The following WWOX variants were observed in gnomAD, a reference collection of about 807,000 sequenced individuals.
The protein encoded by WWOX is WW domain containing oxidoreductase, also known as WW domain-containing oxidoreductase.
In WWOX, 69 loss-of-function variants were observed where a neutral mutation model predicts 46.2. That is an observed-to-expected ratio of 1.49 (90% CI 1.23 to 1.82). WWOX has a LOEUF of 1.82. WWOX is among the 40% of genes most tolerant of loss of function. The probability of loss-of-function intolerance (pLI) is 0.00; values close to 1 mark genes in which losing one functional copy is unlikely to be tolerated. For synonymous variants in WWOX, 359 were observed against 202.6 expected (o/e 1.77, Z -6.56); for missense variants, 919 against 542.6 (o/e 1.69, Z -6.89).
chr16:78,200,852 C>A (rs559481443), intron 5 of WWOX, among the ~76,000 whole-genome samples: 7 of 152,210 alleles, frequency 4.6e-5, no homozygotes, highest in African/African-American at 1.7e-4. Flanking sequence ...GGCATCACTC[C>A]CAAATTCTAT....
chr16:78,212,789 A>G (rs1268319581), intron 5 of WWOX, among the ~76,000 whole-genome samples: 1 of 152,188 alleles, frequency 6.6e-6, no homozygotes, highest in African/African-American at 2.4e-5. Context: ...CTTGAGAAAG[A>G]CATGGAACAC....
chr16:78,102,616 C>G (rs1405631156), intron 1 of WWOX, among the ~76,000 whole-genome samples: 2 of 152,194 alleles, frequency 1.3e-5, no homozygotes, highest in Non-Finnish European at 2.9e-5. Context: ...CAGAGCTGAG[C>G]TTACATGTCA....
intron 1 of WWOX, among the ~76,000 whole-genome samples, chr16:78,103,850 G>T (rs1414382117): frequency 6.6e-6 from 1 of 151,936 alleles, no homozygotes; most frequent in African/African-American, 2.4e-5. Flanking sequence ...CCGGTCTTGT[G>T]TGGGTGCTGT....
At chr16:78,889,999 T>G (rs540725063) in intron 8 of WWOX, among the ~76,000 whole-genome samples, 3 of 152,290 alleles carry the variant, frequency 2.0e-5, no homozygotes, top group South Asian at 4.1e-4. Context: ...TTTTTCTCTT[T>G]CTCCTAAATG....
chr16:78,271,785 G>T (rs147227860), intron 5 of WWOX, among the ~76,000 whole-genome samples: 1 of 152,188 alleles, frequency 6.6e-6, no homozygotes, highest in Admixed American at 6.5e-5. Context: ...TTGTAGCATC[G>T]TCCAGCCTTC....
chr16:78,961,466 T>C (rs1394230024), intron 8 of WWOX, among the ~76,000 whole-genome samples: 1 of 151,696 alleles, frequency 6.6e-6, no homozygotes, highest in Non-Finnish European at 1.5e-5. Context: ...GGTGGATGGA[T>C]GGATGGATGG....
At chr16:78,465,377 G>A (rs79967998) in intron 8 of WWOX, among the ~76,000 whole-genome samples, 1 of 152,176 alleles carries the variant, frequency 6.6e-6, no homozygotes. Flanking sequence ...ATGGGGTCTT[G>A]TTGTGTTGCC....
intron 8 of WWOX, among the ~76,000 whole-genome samples, chr16:78,563,272 TG>T: frequency 6.6e-6 from 1 of 152,226 alleles, no homozygotes; most frequent in East Asian, 1.9e-4. Context: ...TTCCTGTGTA[TG>T]GGGTAAGTGT....
chr16:78,109,883 G>T, intron 3 of WWOX, 48 bp downstream of exon 3: 1 of 1,593,390 alleles, frequency 6.3e-7, no homozygotes, highest in Non-Finnish European at 8.6e-7. Flanking sequence ...CTTTTTAATA[G>T]GAATTTTTAA....
At chr16:78,903,785 C>G (rs886794846) in intron 8 of WWOX, among the ~76,000 whole-genome samples, 1 of 152,210 alleles carries the variant, frequency 6.6e-6, no homozygotes, top group Non-Finnish European at 1.5e-5. Flanking sequence ...GGGTTCCTTT[C>G]TAGCTCAATC....
chr16:78,480,645 G>T (rs1434119442), intron 8 of WWOX, among the ~76,000 whole-genome samples: 1 of 152,194 alleles, frequency 6.6e-6, no homozygotes, highest in Non-Finnish European at 1.5e-5. Flanking sequence ...ATTTTTTACA[G>T]ATAGTACACA....
rs74401895 is a variant in WWOX at position 79,053,393 on chromosome 16, A to T, written c.1057-158215A>T. ...TGCGCACGTAAAGAAACAATCCTGG[A>T]GTGAATTTTAAGTACCTAAAGTTGT... On this transcript the variant is annotated intron_variant, in intron 8 of 8. Coordinates refer to ENST00000566780, the MANE Select transcript of WWOX (RefSeq NM_016373.4). Among the ~76,000 whole-genome samples, 161 of 152,282 alleles carry T rather than the reference A, an allele frequency of 1.1e-3. 2 individuals carry two copies. In the East Asian group the frequency reaches 0.029, roughly 27 times the overall value.
At chr16:78,423,510 C>T (rs1045451457) in intron 6 of WWOX, among the ~76,000 whole-genome samples, 3 of 152,040 alleles carry the variant, frequency 2.0e-5, no homozygotes, top group Non-Finnish European at 2.9e-5. Flanking sequence ...CACAAGTATA[C>T]AATTACTTTC....
At chr16:79,016,236 A>G (rs1395033326) in intron 8 of WWOX, 1 of 152,182 alleles carries the variant, frequency 6.6e-6, no homozygotes, top group Non-Finnish European at 1.5e-5. Flanking sequence ...GAGTACAATG[A>G]AATCATTAGG....
At chr16:79,164,400 C>T (rs1461829037) in intron 8 of WWOX, among the ~76,000 whole-genome samples, 1 of 152,044 alleles carries the variant, frequency 6.6e-6, no homozygotes, top group Non-Finnish European at 1.5e-5. Context: ...CATTTTTTCC[C>T]CGACAGGCTG....
At chr16:78,446,327 A>T (rs991379496) in intron 8 of WWOX, among the ~76,000 whole-genome samples, 2 of 152,156 alleles carry the variant, frequency 1.3e-5, no homozygotes, top group African/African-American at 4.8e-5. Flanking sequence ...TAAAGGTCGA[A>T]TTTTGCCACT....
chr16:79,144,350 G>A, intron 8 of WWOX, among the ~76,000 whole-genome samples: 1 of 152,220 alleles, frequency 6.6e-6, no homozygotes, highest in African/African-American at 2.4e-5. Context: ...TGCCTGAGAA[G>A]GCCAGCTTTT....
At chr16:78,778,060 A>G (rs1303744381) in intron 8 of WWOX, among the ~76,000 whole-genome samples, 4 of 151,980 alleles carry the variant, frequency 2.6e-5, no homozygotes, top group Non-Finnish European at 4.4e-5. Context: ...AAAAAAAAAA[A>G]AAAAGACATT....
intron 8 of WWOX, among the ~76,000 whole-genome samples, chr16:79,120,442 C>T (rs2049605941): frequency 6.6e-6 from 1 of 152,212 alleles, no homozygotes; most frequent in African/African-American, 2.4e-5. Context: ...AGGCGCCCCT[C>T]CTGCCAAGAG....
Sources: gnomAD v4.1 joint callset for allele counts (sites outside exome capture counted in the v4.1 genomes callset) on GRCh38, gnomAD v4.1.1 for gene constraint, MANE v1.5 for transcripts, NCBI Gene and HGNC (gene_info 2026-07-23, HGNC 2026-07-21) for gene names.